Variants in ZCCHC7 observed in about 807,000 individuals in gnomAD.
ZCCHC7 encodes zinc finger CCHC domain-containing protein 7.
In ZCCHC7, 35 loss-of-function variants were observed where a neutral mutation model predicts 52.0. The ratio of observed to expected loss-of-function variants is 0.67; its 90% CI spans 0.51 to 0.89. The LOEUF (loss-of-function observed/expected upper bound fraction) is 0.89. Among genes scored for constraint, ZCCHC7 ranks in the 40% least tolerant of loss-of-function variants. The pLI, the probability that ZCCHC7 is intolerant of heterozygous loss-of-function variation, is 0.00. For missense variants in ZCCHC7, 574 were observed against 649.1 expected (o/e 0.88, Z 1.26); for synonymous variants, 217 against 221.5 (o/e 0.98, Z 0.18).
intron 2 of ZCCHC7, among the ~76,000 whole-genome samples, chr9:37,226,042 G>C (rs903728804): frequency 1.3e-5 from 2 of 152,180 alleles, no homozygotes; most frequent in African/African-American, 4.8e-5. Context: ...AATCTAGTTA[G>C]AAAATTGGAG....
At chr9:37,281,593 CAT>C (rs139514858) in intron 2 of ZCCHC7, among the ~76,000 whole-genome samples, 7,710 of 152,250 alleles carry the variant, frequency 0.051, 629 homozygotes, top group African/African-American at 0.17. Flanking sequence ...TATTTTATCA[CAT>C]GTGATTGTAC....
At chr9:37,305,947 A>T (rs1368557485) in intron 5 of ZCCHC7, among the ~76,000 whole-genome samples, 1 of 152,194 alleles carries the variant, frequency 6.6e-6, no homozygotes, top group Non-Finnish European at 1.5e-5. Context: ...GCATCAAGAG[A>T]TAGCATTAAT....
At chr9:37,292,831 G>A (rs921615186) in intron 2 of ZCCHC7, among the ~76,000 whole-genome samples, 10 of 152,050 alleles carry the variant, frequency 6.6e-5, no homozygotes, top group Admixed American at 2.0e-4. Flanking sequence ...TGGATTTAGA[G>A]AGAATCTCGC....
At chr9:37,292,772 A>T (rs2071366437) in intron 2 of ZCCHC7, among the ~76,000 whole-genome samples, 1 of 152,212 alleles carries the variant, frequency 6.6e-6, no homozygotes, top group Admixed American at 6.5e-5. Flanking sequence ...TAGAGTTTTT[A>T]AAAACCATGT....
At chr9:37,178,487 AAGAG>A (rs963004278) in intron 2 of ZCCHC7, among the ~76,000 whole-genome samples, 1 of 152,010 alleles carries the variant, frequency 6.6e-6, no homozygotes, top group Non-Finnish European at 1.5e-5. Context: ...AGAAAGTAGA[AAGAG>A]AGGAAAGGAA....
At chr9:37,301,221 A>T (rs1424709272) in intron 2 of ZCCHC7, among the ~76,000 whole-genome samples, 6 of 152,234 alleles carry the variant, frequency 3.9e-5, no homozygotes, top group Admixed American at 1.3e-4. Flanking sequence ...TGGACAGGTT[A>T]ACTGGAGAAA....
At chr9:37,307,628 A>T (rs371040846) in intron 5 of ZCCHC7, among the ~76,000 whole-genome samples, 2 of 152,212 alleles carry the variant, frequency 1.3e-5, no homozygotes, top group Non-Finnish European at 2.9e-5. Flanking sequence ...ATACACCTAT[A>T]GTCTTTTTTC....
chr9:37,190,284 A>C (rs1416718823), intron 2 of ZCCHC7, among the ~76,000 whole-genome samples: 2 of 151,226 alleles, frequency 1.3e-5, no homozygotes. Flanking sequence ...GATGTTGAAA[A>C]GAATAAAAAA....
chr9:37,168,714 A>G (rs1042674850), intron 2 of ZCCHC7, among the ~76,000 whole-genome samples: 15 of 152,136 alleles, frequency 9.9e-5, no homozygotes, highest in African/African-American at 3.6e-4. Flanking sequence ...CCCTAGCAAC[A>G]TAACAAGACC....
At chr9:37,201,662 G>A (rs1374257717) in intron 2 of ZCCHC7, among the ~76,000 whole-genome samples, 1 of 152,156 alleles carries the variant, frequency 6.6e-6, no homozygotes, top group East Asian at 1.9e-4. Flanking sequence ...AAATAGCAGG[G>A]CCCAATGACA....
intron 2 of ZCCHC7, among the ~76,000 whole-genome samples, chr9:37,174,923 G>A (rs1335561577): frequency 6.6e-6 from 1 of 152,004 alleles, no homozygotes; most frequent in Non-Finnish European, 1.5e-5. Flanking sequence ...GATCACTTAA[G>A]GTCAGGAGTT....
At chr9:37,158,273 T>C (rs770990460) in intron 2 of ZCCHC7, among the ~76,000 whole-genome samples, 7 of 152,232 alleles carry the variant, frequency 4.6e-5, no homozygotes, top group South Asian at 2.1e-4. Context: ...GATACGTATG[T>C]AGTTACTTCT....
chr9:37,143,256 A>G (rs1334376126), intron 2 of ZCCHC7, among the ~76,000 whole-genome samples: 3 of 151,780 alleles, frequency 2.0e-5, no homozygotes, highest in East Asian at 3.9e-4. Context: ...CTAAACCTGT[A>G]TGGTAACTAT....
intron 6 of ZCCHC7, among the ~76,000 whole-genome samples, chr9:37,339,385 G>A (rs756140487): frequency 1.3e-5 from 2 of 152,134 alleles, no homozygotes; most frequent in African/African-American, 2.4e-5. Context: ...CACCTTAAAG[G>A]GAGGAAAGGG....
intron 2 of ZCCHC7, among the ~76,000 whole-genome samples, chr9:37,201,248 A>T (rs1823616328): frequency 6.6e-6 from 1 of 152,208 alleles, no homozygotes; most frequent in Non-Finnish European, 1.5e-5. Context: ...ATGCCATATT[A>T]TTTTTGTATT....
intron 2 of ZCCHC7, among the ~76,000 whole-genome samples, chr9:37,161,299 G>A (rs935707961): frequency 1.3e-5 from 2 of 152,146 alleles, no homozygotes; most frequent in African/African-American, 4.8e-5. Context: ...TGGCAGCTGG[G>A]CGCGGTGGCT....
At chr9:37,299,649 A>T (rs190313282) in intron 2 of ZCCHC7, among the ~76,000 whole-genome samples, 2 of 152,334 alleles carry the variant, frequency 1.3e-5, no homozygotes. Context: ...AGCTGCTGTC[A>T]TTACTAGGTT....
At chr9:37,282,296 C>A (rs1827993884) in intron 2 of ZCCHC7, among the ~76,000 whole-genome samples, 1 of 152,044 alleles carries the variant, frequency 6.6e-6, no homozygotes, top group Non-Finnish European at 1.5e-5. Flanking sequence ...CTATATTTCA[C>A]CATGATTTTT....
At chr9:37,227,051 G>C (rs1314980016) in intron 2 of ZCCHC7, among the ~76,000 whole-genome samples, 1 of 150,136 alleles carries the variant, frequency 6.7e-6, no homozygotes, top group Admixed American at 6.6e-5. Context: ...AAAAAACCAG[G>C]ATATCTGAAT....
Sources: allele counts gnomAD v4.1 joint callset (sites outside exome capture counted in the v4.1 genomes callset), GRCh38; gene constraint gnomAD v4.1.1; transcripts MANE v1.5; gene names NCBI Gene and HGNC (gene_info 2026-07-23, HGNC 2026-07-21).